Variants in RANGAP1 observed in about 807,000 individuals in gnomAD.
The protein encoded by RANGAP1 is ran GTPase-activating protein 1.
A neutral mutation model predicts 63.5 loss-of-function variants in RANGAP1; 38 were observed. The ratio of observed to expected loss-of-function variants is 0.60; its 90% CI spans 0.46 to 0.78. The LOEUF is 0.78. Ranked by LOEUF, RANGAP1 falls within the 30% of genes least tolerant of loss-of-function variation. The pLI, the probability that RANGAP1 is intolerant of heterozygous loss-of-function variation, is 0.00. For missense variants in RANGAP1, 630 were observed against 740.3 expected, an observed-to-expected ratio of 0.85 and a Z score of 1.73; for synonymous variants, 329 against 310.5, an observed-to-expected ratio of 1.06 and a Z score of -0.63.
chr22:41,264,757 C>T lies in RANGAP1; in HGVS notation c.387G>A (p.Val129=). ...TCTTGAGCAGGGCCTCGAAGCCTTG[C>T]ACACCGTCGGGCCCGAATGCGTTGT... The part of the protein sequence containing the change: ...LSDNAFGPDG[V]QGFEALLKSS... Residue 129 remains valine (V), a synonymous_variant, in exon 5 of 16, where the codon GTG becomes GTA. Transcript: ENST00000356244. The T allele has an allele frequency of 6.2e-7, 1 of 1,614,142 alleles. No homozygotes were observed. The highest frequency in any genetic ancestry group is 8.5e-7 in the Non-Finnish European group (1 of 1,179,950).
chr22:41,251,190 T>C, intron 12 of RANGAP1, 81 bp from the exon 13 acceptor site: 1 of 1,126,658 alleles, frequency 8.9e-7, no homozygotes, highest in Non-Finnish European at 1.3e-6. Flanking sequence ...AGGAGAGGCC[T>C]GGGCAGTACA....
At chr22:41,261,357 C>T (rs1159990732) in intron 6 of RANGAP1, 89 bp downstream of exon 6, 2 of 1,567,800 alleles carry the variant, frequency 1.3e-6, no homozygotes, top group African/African-American at 1.4e-5. Context: ...GGTTGAGTGC[C>T]AGCCCTGGGA....
At chr22:41,260,263 G>C (rs2145735597) in intron 6 of RANGAP1, among the ~76,000 whole-genome samples, 1 of 152,268 alleles carries the variant, frequency 6.6e-6, no homozygotes, top group East Asian at 1.9e-4. Context: ...CACCTATGAA[G>C]GCTCAACACA....
chr22:41,281,266 G>C (rs1407427873), intron 1 of RANGAP1, 184 bp from the exon 2 acceptor site: 1 of 795,824 alleles, frequency 1.3e-6, no homozygotes, highest in Admixed American at 3.8e-5. Flanking sequence ...AGGTGCAGGA[G>C]GTAGTAAAAG....
chr22:41,245,172 C>T lies in RANGAP1; in HGVS notation c.*1431G>A, dbSNP rs1231434820. ...TCTGCCACCTGGTCACCTACGTGGC[C>T]GACTGCCAATGAGAAAATATTGCCC... On this transcript the variant is annotated 3_prime_UTR_variant, in exon 16 of 16. Transcript: ENST00000356244. 6.6e-6 allele frequency among the ~76,000 whole-genome samples: 1 copy of T among 152,196 alleles called. No homozygotes were observed. Among genetic ancestry groups the T allele is most frequent in the Middle Eastern group, 3.2e-3 (1 of 316 alleles).
the RANGAP1 span, among the ~76,000 whole-genome samples, chr22:41,298,163 C>T: frequency 2.0e-5 from 3 of 149,232 alleles, no homozygotes; most frequent in East Asian, 2.0e-4. Context: ...TGGCCACGCC[C>T]AGCTAATTTT....
chr22:41,251,574 C>T (rs898799609), intron 12 of RANGAP1, among the ~76,000 whole-genome samples: 3 of 150,048 alleles, frequency 2.0e-5, no homozygotes, highest in Non-Finnish European at 3.0e-5. Flanking sequence ...TGCACTGAGC[C>T]ATGATTGCAC....
chr22:41,272,227 C>CG (rs1233380671), intron 3 of RANGAP1, among the ~76,000 whole-genome samples: 1 of 152,054 alleles, frequency 6.6e-6, no homozygotes, highest in Non-Finnish European at 1.5e-5. Flanking sequence ...TCACAGGTCT[C>CG]GGGGAGGGCT....
chr22:41,287,371 G>GTTTTTTTTTTTTTTTTTTTTTTTTT (rs148508883), upstream of RANGAP1, among the ~76,000 whole-genome samples: 1 of 101,696 alleles, frequency 9.8e-6, no homozygotes, highest in Non-Finnish European at 2.0e-5. Flanking sequence ...CACAAACAGC[G>GTTTTTTTTTTTTTTTTTTTTTTTTT]TTTTTTTTTT....
upstream of RANGAP1, among the ~76,000 whole-genome samples, chr22:41,290,419 G>A (rs557560115): frequency 6.6e-6 from 1 of 152,072 alleles, no homozygotes; most frequent in East Asian, 1.9e-4. Context: ...TAGTAGAGAT[G>A]GGGTTTCACT....
rs1435311684 is a variant in RANGAP1 at position 41,256,426 on chromosome 22, T to C, written c.889-136A>G. ...GGTGGGGCAAAGTGGGCAGGAAGAATAACACCAACAACAAAAATAATGCCC... is the reference window on the plus strand; with the variant it reads ...GGTGGGGCAAAGTGGGCAGGAAGAACAACACCAACAACAAAAATAATGCCC... On this transcript the variant is annotated intron_variant, in intron 8 of 15. Transcript: ENST00000356244. 6.2e-6 allele frequency: 5 copies of C among 806,508 alleles called. No individual in the cohort carries two copies. The East Asian group carries it at 1.3e-4, about 21-fold the overall frequency. The allele number at this position is 806,508 out of a possible 1,614,324, so 50.0% of individuals were successfully genotyped here.
intron 6 of RANGAP1, among the ~76,000 whole-genome samples, chr22:41,260,974 G>A (rs1049455930): frequency 1.3e-5 from 2 of 152,150 alleles, no homozygotes; most frequent in African/African-American, 2.4e-5. Context: ...AGAGGAGAGT[G>A]GAAGAGGAGT....
In RANGAP1 at chr22:41,257,791, C is replaced by G. The variant is rs984531828; in HGVS notation, c.774+157G>C. 2.0e-5 allele frequency among the ~76,000 whole-genome samples: 3 copies of G among 152,182 alleles called. No homozygotes were observed. The highest frequency in any genetic ancestry group is 4.4e-5 in the Non-Finnish European group (3 of 68,044). On this transcript the variant is annotated intron_variant, in intron 7 of 15. Transcript: ENST00000356244. This position sits in a 1 kb window ranked among gnomAD's most constrained non-coding sequence, Gnocchi z 4.0. ...TTACCTTGGGACCTGCAACCCTGTT[C>G]AGGACATGTTCAAAGAGCTGGAGCC...
At chr22:41,264,340 G>A (rs935155873) in intron 5 of RANGAP1, among the ~76,000 whole-genome samples, 2 of 152,230 alleles carry the variant, frequency 1.3e-5, no homozygotes, top group Non-Finnish European at 2.9e-5. Flanking sequence ...CTATGTGCCA[G>A]GCTCTACCAG....
rs529670061 is a variant in RANGAP1 at position 41,276,922 on chromosome 22, G to A, written c.113-2195C>T. Reference sequence around the variant, plus strand: ...TTGAACTGGGACCCAGGAGGCGGAGGTAGCAGTGAGCGAGATCTTGCCACT... The same window carrying A: ...TTGAACTGGGACCCAGGAGGCGGAGATAGCAGTGAGCGAGATCTTGCCACT... On this transcript the variant is annotated intron_variant, in intron 2 of 15. Transcript: ENST00000356244. 5.3e-5 allele frequency among the ~76,000 whole-genome samples: 8 copies of A among 149,596 alleles called. No homozygotes were observed. The East Asian group carries it at 1.6e-3, about 31-fold the overall frequency.
chr22:41,285,711 C>A (rs939348862), intron 1 of RANGAP1: 2 of 982,598 alleles, frequency 2.0e-6, no homozygotes, highest in African/African-American at 1.7e-5. Flanking sequence ...CGGTTGACAA[C>A]AATGCTAATA....
At position 41,267,572 on chromosome 22, in the gene RANGAP1, T is replaced by G. The variant is rs988286878; in HGVS notation, c.300+525A>C. ...TCTATTTCCTTCCACACATATGCACTCAGAGACTGGGAACTCGACCCAAGC... is the reference window on the plus strand; with the variant it reads ...TCTATTTCCTTCCACACATATGCACGCAGAGACTGGGAACTCGACCCAAGC... On this transcript the variant is annotated intron_variant, in intron 4 of 15. Transcript: ENST00000356244. Among the ~76,000 whole-genome samples, 59 of 152,100 alleles carry G rather than the reference T, an allele frequency of 3.9e-4. 2 individuals are homozygous for G. Among genetic ancestry groups the G allele is most frequent in the Admixed American group, 3.3e-3 (50 of 15,256 alleles).
intron 12 of RANGAP1, 113 bp from the exon 13 acceptor site, chr22:41,251,222 C>G: frequency 1.4e-6 from 1 of 737,136 alleles, no homozygotes. Flanking sequence ...CGGGCAAGAA[C>G]AGGTCCTGCC....
chr22:41,249,922 C>T, intron 13 of RANGAP1, 105 bp from the exon 14 acceptor site: 1 of 987,964 alleles, frequency 1.0e-6, no homozygotes, highest in African/African-American at 1.6e-5. Context: ...TCGCCTGCCT[C>T]CTCGCCCTGA....
Sources: allele counts gnomAD v4.1 joint callset (sites outside exome capture counted in the v4.1 genomes callset), GRCh38; gene constraint gnomAD v4.1.1; non-coding constraint Gnocchi (gnomAD v3.1); transcripts MANE v1.5; gene names NCBI Gene and HGNC (gene_info 2026-07-23, HGNC 2026-07-21).